The following PPP1R10 variants were observed in gnomAD, a reference collection of about 807,000 sequenced individuals.
PPP1R10 encodes protein phosphatase 1 regulatory subunit 10, also known as serine/threonine-protein phosphatase 1 regulatory subunit 10.
In PPP1R10, 15 loss-of-function variants were observed where a neutral mutation model predicts 99.0. That is an observed-to-expected ratio of 0.15 (90% confidence interval 0.10 to 0.23). The LOEUF is 0.23. PPP1R10 is among the 10% of genes least tolerant of loss of function. The pLI is 1.00. For missense variants in PPP1R10, 947 were observed against 1,259.4 expected, an observed-to-expected ratio of 0.75 and a Z score of 3.75; for synonymous variants, 430 against 449.5, an observed-to-expected ratio of 0.96 and a Z score of 0.55.
rs764023702 is a variant in PPP1R10, at chr6:30,601,456, A to G, written c.*93T>C. The G allele has an allele frequency of 6.9e-5, 77 of 1,120,918 alleles. No individual in the cohort carries two copies. The highest frequency in any genetic ancestry group is 1.0e-4 in the Non-Finnish European group (77 of 766,046). 69.4% of individuals were successfully genotyped at this position (1,120,918 alleles called of 1,614,324 possible). ...GGCCGGCTCCTCATCAGCTGGGGAA[A>G]AGGGAAAATGGGCCTCACAGAAGCC... is the stretch of plus-strand genomic sequence containing the variant. On this transcript the variant is annotated 3_prime_UTR_variant, in exon 20 of 20. Transcript: ENST00000376511.
At chr6:30,614,881 A>C (rs887986346) in intron 2 of PPP1R10, among the ~76,000 whole-genome samples, 2 of 152,224 alleles carry the variant, frequency 1.3e-5, no homozygotes, top group African/African-American at 4.8e-5. Flanking sequence ...CAGCCTTGAT[A>C]CTTAATTCCT....
Position 30,602,567 on chromosome 6 carries a change from C to A in PPP1R10, c.2082G>T (p.Gly694=), listed in dbSNP as rs1803467999. 3 of 1,564,488 alleles carry A rather than the reference C, an allele frequency of 1.9e-6. No homozygotes were observed. The highest frequency in any genetic ancestry group is 1.4e-5 in the African/African-American group (1 of 72,776). Residue 694 remains glycine, a synonymous_variant, in exon 19 of 20, where the codon GGG becomes GGT. Transcript: ENST00000376511. This position sits in a 1 kb window ranked among gnomAD's most constrained non-coding sequence, Gnocchi z 6.7. ...ATGGTCCAGGACCTGGTCCTGGACCCCCCCGCATTGGGCCACCCCGCATAG... is the reference window on the plus strand; with the variant it reads ...ATGGTCCAGGACCTGGTCCTGGACCACCCCGCATTGGGCCACCCCGCATAG... The part of the protein sequence containing the change: ...GDPMRGGPMR[G]GPGPGPGPYH...
At chr6:30,610,271 T>C (rs2239516) in intron 2 of PPP1R10, among the ~76,000 whole-genome samples, 6,747 of 152,254 alleles carry the variant, frequency 0.044, 275 homozygotes, top group African/African-American at 0.11. Flanking sequence ...CTAGATCGTA[T>C]TAAAGCTAAG....
Position 30,601,466 on chromosome 6 carries a change from G to A in PPP1R10, c.*83C>T. On this transcript the variant is annotated 3_prime_UTR_variant, in exon 20 of 20. Coordinates refer to ENST00000376511, the MANE Select transcript of PPP1R10 (RefSeq NM_002714.4). ...TCATCAGCTGGGGAAAAGGGAAAAT[G>A]GGCCTCACAGAAGCCATAACAGGGT... is the stretch of plus-strand genomic sequence containing the variant. The A allele has an allele frequency of 8.5e-7, 1 of 1,181,048 alleles. No homozygotes were observed. The highest frequency in any genetic ancestry group is 1.3e-5 in the South Asian group (1 of 74,760). 73.2% of individuals were successfully genotyped at this position (1,181,048 alleles called of 1,614,324 possible). A position where few individuals can be genotyped will look rare whatever the true frequency, so the allele number is the denominator to read the frequency against.
Position 30,608,773 on chromosome 6 carries a change from A to C in PPP1R10, c.330+6T>G, listed in dbSNP as rs1804240085. The C allele has an allele frequency of 6.2e-7, 1 of 1,613,426 alleles. No individual in the cohort carries two copies. On this transcript the variant is annotated splice_donor_region_variant and intron_variant, in intron 5 of 19. Transcript: ENST00000376511. Reference sequence around the variant, plus strand: ...GGAAGAATCAGGGTTTAAAGACTAAAGGTACCTGCTTGAGATGGTCTACAG... The same window carrying C: ...GGAAGAATCAGGGTTTAAAGACTAACGGTACCTGCTTGAGATGGTCTACAG...
intron 2 of PPP1R10, among the ~76,000 whole-genome samples, chr6:30,612,664 G>T (rs1304541631): frequency 6.6e-6 from 1 of 152,124 alleles, no homozygotes; most frequent in Non-Finnish European, 1.5e-5. Context: ...CTTCCTTCAG[G>T]AAGATTAGTT....
rs769488889 is a variant in PPP1R10, at chr6:30,602,317, C to G, written c.2332G>C (p.Gly778Arg). The G allele has an allele frequency of 1.2e-6, 2 of 1,611,552 alleles. No homozygotes were observed. Among genetic ancestry groups the G allele is most frequent in the Non-Finnish European group, 1.7e-6 (2 of 1,179,490 alleles). Residue 778 changes from glycine (G) to arginine (R), a missense_variant, in exon 19 of 20, where the codon GGA becomes CGA. Transcript: ENST00000376511. The surrounding 1 kb of genome is among the most constrained non-coding windows in gnomAD (Gnocchi z 6.7). ...CCTTCATGGGGGCGATGCCCACTTC[C>G]CATGCCACCGCCAGGGCCTTCGTGG... is the stretch of plus-strand genomic sequence containing the variant. ...RPHEGPGGGMGSGHRPHEGPG... is the reference protein window; with the variant it reads ...RPHEGPGGGMRSGHRPHEGPG...
intron 1 of PPP1R10, 37 bp from the exon 2 acceptor site, chr6:30,617,035 C>CA (rs1760669638): frequency 6.6e-6 from 1 of 152,298 alleles, no homozygotes; most frequent in Admixed American, 6.5e-5. Context: ...AAGATGTAAT[C>CA]AGTACGGGTT....
chr6:30,604,436 C>T lies in PPP1R10; in HGVS notation c.1178G>A (p.Gly393Asp). 1 of 1,613,378 alleles carries T rather than the reference C, an allele frequency of 6.2e-7. No homozygotes were observed. Among genetic ancestry groups the T allele is most frequent in the African/African-American group, 1.3e-5 (1 of 75,036 alleles). Reference sequence around the variant, plus strand: ...CCATGTCACACTTTTCCTCTTCCTGCCTTTCCGGGTCAGTTGGTTAGGATC... The same window carrying T: ...CCATGTCACACTTTTCCTCTTCCTGTCTTTCCGGGTCAGTTGGTTAGGATC... ...PGDPNQLTRK[G>D]RKRKSVTWPE... Residue 393 changes from glycine to aspartate, a missense_variant, in exon 13 of 20, where the codon GGC becomes GAC. By Grantham distance (94) the Gly-to-Asp change is moderately conservative. Transcript: ENST00000376511. This position sits in a 1 kb window ranked among gnomAD's most constrained non-coding sequence, Gnocchi z 7.3.
intron 2 of PPP1R10, among the ~76,000 whole-genome samples, 180 bp downstream of exon 2, chr6:30,616,298 G>C (rs1466415695): frequency 1.3e-5 from 2 of 152,226 alleles, no homozygotes; most frequent in Non-Finnish European, 2.9e-5. Context: ...GTAGGGGAGA[G>C]AGAACAAGAC....
chr6:30,606,671 TTTTA>T lies in PPP1R10; in HGVS notation c.461-34_461-31del. The T allele has an allele frequency of 6.2e-7, 1 of 1,613,778 alleles. No individual in the cohort carries two copies. Among genetic ancestry groups the T allele is most frequent in the Non-Finnish European group, 8.5e-7 (1 of 1,179,790 alleles). Reference sequence around the variant, plus strand: ...TGTGAAAAAACAAAGCAGAAAAGGATTTTATTTAGATGAACACTGTCAGAGGTGA... The same window carrying T: ...TGTGAAAAAACAAAGCAGAAAAGGATTTTAGATGAACACTGTCAGAGGTGA... On this transcript the variant is annotated intron_variant, in intron 7 of 19. Transcript: ENST00000376511. The surrounding 1 kb of genome is among the most constrained non-coding windows in gnomAD (Gnocchi z 6.3).
chr6:30,608,833 C>T lies in PPP1R10; in HGVS notation c.276G>A (p.Gln92=), dbSNP rs766449747. The T allele has an allele frequency of 6.2e-7, 1 of 1,614,056 alleles. No homozygotes were observed. Among genetic ancestry groups the T allele is most frequent in the South Asian group, 1.1e-5 (1 of 91,080 alleles). The change falls in exon 5 of 20, where the codon CAG becomes CAA. Residue 92 remains glutamine, a synonymous_variant. Coordinates refer to ENST00000376511, the MANE Select transcript of PPP1R10 (RefSeq NM_002714.4). ...SKTTNNIPLL[Q]QILLTLQHLP... is the part of the protein sequence containing the mutation. The stretch of plus-strand genomic sequence containing the variant: ...GATGCTGCAGGGTCAGTAGAATTTG[C>T]TGGAGGAGGGGAATGTTGTTGGTTG...
Position 30,602,051 on chromosome 6 carries a change from A to T in PPP1R10, c.2598T>A (p.Gly866=). 4 of 1,559,704 alleles carry T rather than the reference A, an allele frequency of 2.6e-6. No homozygotes were observed. Among genetic ancestry groups the T allele is most frequent in the Non-Finnish European group, 3.5e-6 (4 of 1,149,098 alleles). ...PHGHRPHDVP[G]HRGHDHRGPP... The stretch of plus-strand genomic sequence containing the variant: ...GCCCTCGATGGTCATGGCCTCGGTG[A>T]CCAGGGACATCATGAGGCCGGTGGC... Residue 866 remains glycine, a synonymous_variant, in exon 19 of 20, where the codon GGT becomes GGA. Coordinates refer to ENST00000376511, the MANE Select transcript of PPP1R10 (RefSeq NM_002714.4). This position sits in a 1 kb window ranked among gnomAD's most constrained non-coding sequence, Gnocchi z 6.7.
rs1804351972 is a variant in PPP1R10, at chr6:30,609,726, A to C, written c.107+112T>G. On this transcript the variant is annotated intron_variant, in intron 3 of 19. Coordinates refer to ENST00000376511, the MANE Select transcript of PPP1R10 (RefSeq NM_002714.4). This position sits in a 1 kb window ranked among gnomAD's most constrained non-coding sequence, Gnocchi z 4.5. ...GTTACATTTTAATCCTATTGCACTG[A>C]CTATCTTTCCCTTTCCTTTCCAGGA... 2.0e-5 allele frequency: 18 copies of C among 919,332 alleles called. No individual in the cohort carries two copies. Among genetic ancestry groups the C allele is most frequent in the African/African-American group, 1.6e-5 (1 of 61,240 alleles). The allele number at this position is 919,332 out of a possible 1,614,324, so 56.9% of individuals were successfully genotyped here.
In PPP1R10 at chr6:30,604,878, A is replaced by G; in HGVS notation, c.954+116T>C. 7 of 1,507,466 alleles carry G rather than the reference A, an allele frequency of 4.6e-6. No homozygotes were observed. Among genetic ancestry groups the G allele is most frequent in the Non-Finnish European group, 6.4e-6 (7 of 1,085,450 alleles). 93.4% of individuals were successfully genotyped at this position (1,507,466 alleles called of 1,614,324 possible). A position where few individuals can be genotyped will look rare whatever the true frequency, so the allele number is the denominator to read the frequency against. Reference sequence around the variant, plus strand: ...CACAATGTCTCACCTGCACCAGTCTATATCCAAGGCAAAACGCCTCTTGTT... The same window carrying G: ...CACAATGTCTCACCTGCACCAGTCTGTATCCAAGGCAAAACGCCTCTTGTT... On this transcript the variant is annotated intron_variant, in intron 11 of 19. Transcript: ENST00000376511. This position sits in a 1 kb window ranked among gnomAD's most constrained non-coding sequence, Gnocchi z 7.3.
At chr6:30,611,907 A>AC (rs1241482798) in intron 2 of PPP1R10, among the ~76,000 whole-genome samples, 2 of 152,218 alleles carry the variant, frequency 1.3e-5, no homozygotes, top group Admixed American at 1.3e-4. Flanking sequence ...GGTGATTCCT[A>AC]CACACACAGA....
chr6:30,602,718 G>T lies in PPP1R10; in HGVS notation c.1958-27C>A. On this transcript the variant is annotated intron_variant, in intron 18 of 19. Coordinates refer to ENST00000376511, the MANE Select transcript of PPP1R10 (RefSeq NM_002714.4). The surrounding 1 kb of genome is among the most constrained non-coding windows in gnomAD (Gnocchi z 6.7). ...TGTAAGGGGACAAAAAAGAGAGACA[G>T]TATCAGCTACCAGGAACTGCCATCT... The T allele has an allele frequency of 6.2e-7, 1 of 1,600,452 alleles. No individual in the cohort carries two copies. Among genetic ancestry groups the T allele is most frequent in the Non-Finnish European group, 8.5e-7 (1 of 1,174,510 alleles).
At chr6:30,601,712 C>T (rs7759666) in intron 19 of PPP1R10, 54 bp from the exon 20 acceptor site, 218,912 of 1,482,492 alleles carry the variant, frequency 0.15, 17,419 homozygotes, top group South Asian at 0.2. Flanking sequence ...GGCAATGCCA[C>T]CCTCACCACC....
At chr6:30,615,011 G>C (rs530920217) in intron 2 of PPP1R10, among the ~76,000 whole-genome samples, 16 of 152,306 alleles carry the variant, frequency 1.1e-4, no homozygotes, top group African/African-American at 3.1e-4. Context: ...CTTCAAGAGG[G>C]TGGAGAGAGG....
Sources: gnomAD v4.1 joint callset for allele counts (sites outside exome capture counted in the v4.1 genomes callset) on GRCh38, gnomAD v4.1.1 for gene constraint, Gnocchi (gnomAD v3.1) non-coding constraint, MANE v1.5 for transcripts, NCBI Gene and HGNC (gene_info 2026-07-23, HGNC 2026-07-21) for gene names.